The following HS3ST4 variants were observed in gnomAD, a reference collection of about 807,000 sequenced individuals.
HS3ST4 encodes the protein heparan sulfate-glucosamine 3-sulfotransferase 4, also known as heparan sulfate glucosamine 3-O-sulfotransferase 4.
HS3ST4 carries 17 observed loss-of-function variants against 29.2 expected under a neutral mutation model. The observed-to-expected ratio is 0.58, with a 90% CI of 0.40 to 0.87. HS3ST4 has a LOEUF of 0.87. HS3ST4 is among the 40% of genes least tolerant of loss of function. The pLI, the probability that HS3ST4 is intolerant of heterozygous loss-of-function variation, is 0.00. For missense variants in HS3ST4, 627 were observed against 634.5 expected (o/e 0.99, Z 0.13); for synonymous variants, 314 against 285.7 (o/e 1.10, Z -1.00).
intron 1 of HS3ST4, among the ~76,000 whole-genome samples, chr16:26,107,739 T>C (rs1899076079): frequency 6.6e-6 from 1 of 152,208 alleles, no homozygotes; most frequent in Non-Finnish European, 1.5e-5. Context: ...TCCTTATGGC[T>C]GAGTAGTATT....
At chr16:25,719,549 G>T (rs1225881560) in intron 1 of HS3ST4, among the ~76,000 whole-genome samples, 2 of 152,198 alleles carry the variant, frequency 1.3e-5, no homozygotes, top group African/African-American at 4.8e-5. Context: ...GGTATAGGAA[G>T]GGAAAGCTGT....
At chr16:25,953,179 C>T (rs1447551676) in intron 1 of HS3ST4, among the ~76,000 whole-genome samples, 1 of 152,158 alleles carries the variant, frequency 6.6e-6, no homozygotes, top group Non-Finnish European at 1.5e-5. Context: ...GTAAGTTATG[C>T]TTAGCTTGTG....
intron 1 of HS3ST4, among the ~76,000 whole-genome samples, chr16:26,007,501 A>G (rs4412975): frequency 0.069 from 10,538 of 152,198 alleles, 457 homozygotes; most frequent in Non-Finnish European, 0.098. Context: ...ATTTCAGGGA[A>G]GTTAGGGGAT....
intron 1 of HS3ST4, among the ~76,000 whole-genome samples, chr16:25,755,389 A>C (rs995432189): frequency 6.6e-6 from 1 of 152,194 alleles, no homozygotes; most frequent in South Asian, 2.1e-4. Context: ...GAGAAGGAGT[A>C]TTTCCAGATA....
At chr16:25,798,335 A>C (rs1966900967) in intron 1 of HS3ST4, among the ~76,000 whole-genome samples, 1 of 152,186 alleles carries the variant, frequency 6.6e-6, no homozygotes. Flanking sequence ...CAACCACAAA[A>C]GTTCATTTCT....
At chr16:25,789,293 CCTCTT>C (rs988251923) in intron 1 of HS3ST4, among the ~76,000 whole-genome samples, 6 of 151,836 alleles carry the variant, frequency 4.0e-5, no homozygotes, top group Non-Finnish European at 8.8e-5. Context: ...TCCTCCATCT[CCTCTT>C]CTTTCTTTCT....
chr16:25,838,924 A>G (rs1967387602), intron 1 of HS3ST4, among the ~76,000 whole-genome samples: 1 of 152,182 alleles, frequency 6.6e-6, no homozygotes, highest in African/African-American at 2.4e-5. Flanking sequence ...ACTGTTCTAC[A>G]TAAATAAAAT....
At position 25,828,288 on chromosome 16, in the gene HS3ST4, CTT is replaced by C. The variant is rs1567249447; in HGVS notation, c.734+135139_734+135140del. 9.9e-4 allele frequency among the ~76,000 whole-genome samples: 88 copies of C among 88,480 alleles called. No homozygotes were observed. The Middle Eastern group carries it at 0.016, about 16-fold the overall frequency. The allele number at this position is 88,480 out of a possible 152,430, so 58.0% of individuals were successfully genotyped here. A position where few individuals can be genotyped will look rare whatever the true frequency, so the allele number is the denominator to read the frequency against. On this transcript the variant is annotated intron_variant, in intron 1 of 1. Transcript: ENST00000331351. Reference sequence around the variant, plus strand: ...TCTTTCTTTCTTTCTTTCTTTCTTTCTTTCTTTCTTTCCCTCTCTCTCTCTCT... The same window carrying C: ...TCTTTCTTTCTTTCTTTCTTTCTTTCTCTTTCTTTCCCTCTCTCTCTCTCT...
At chr16:25,870,465 T>C (rs557160294) in intron 1 of HS3ST4, among the ~76,000 whole-genome samples, 1 of 152,004 alleles carries the variant, frequency 6.6e-6, no homozygotes, top group Non-Finnish European at 1.5e-5. Context: ...AGGGAGTGAA[T>C]CAAATAGTTG....
At chr16:25,991,894 G>A (rs1403822652) in intron 1 of HS3ST4, among the ~76,000 whole-genome samples, 1 of 151,400 alleles carries the variant, frequency 6.6e-6, no homozygotes, top group Non-Finnish European at 1.5e-5. Context: ...GGTGGTGGGT[G>A]CCTGTAGTCC....
At chr16:25,965,607 G>T (rs539617915) in intron 1 of HS3ST4, among the ~76,000 whole-genome samples, 1 of 152,078 alleles carries the variant, frequency 6.6e-6, no homozygotes, top group Non-Finnish European at 1.5e-5. Flanking sequence ...ACTGTCTTCT[G>T]CAAAACTCGA....
chr16:25,918,564 TCTGAAG>T (rs1178991664), intron 1 of HS3ST4, among the ~76,000 whole-genome samples: 1 of 152,172 alleles, frequency 6.6e-6, no homozygotes, highest in Non-Finnish European at 1.5e-5. Context: ...TGGACTGAAA[TCTGAAG>T]GATGAGCAGG....
intron 1 of HS3ST4, among the ~76,000 whole-genome samples, chr16:26,123,259 A>C (rs1231582487): frequency 6.6e-6 from 1 of 152,210 alleles, no homozygotes; most frequent in Non-Finnish European, 1.5e-5. Context: ...GACAGAGGAC[A>C]AAACTGAGGA....
chr16:25,990,430 A>G (rs796746657), intron 1 of HS3ST4, among the ~76,000 whole-genome samples: 24 of 152,354 alleles, frequency 1.6e-4, no homozygotes, highest in African/African-American at 5.3e-4. Context: ...AGTGTTGTCA[A>G]TGTTTTGGAT....
intron 1 of HS3ST4, among the ~76,000 whole-genome samples, chr16:26,088,256 C>T (rs1898813429): frequency 6.6e-6 from 1 of 152,216 alleles, no homozygotes; most frequent in Admixed American, 6.5e-5. Context: ...TCAACTTAAA[C>T]TGTTCTTTGT....
Position 25,739,371 on chromosome 16 carries a change from A to G in HS3ST4, c.734+46220A>G, listed in dbSNP as rs2141596922. Among the ~76,000 whole-genome samples, 3 of 152,160 alleles carry G rather than the reference A, an allele frequency of 2.0e-5. 1 individual carries two copies. In the South Asian group the frequency reaches 6.2e-4, roughly 32 times the overall value. ...AACACACAAACAAAAGCAAACAAAT[A>G]AACGAACAAAAAAAACTTGCTGAGT... On this transcript the variant is annotated intron_variant, in intron 1 of 1. Coordinates refer to ENST00000331351, the MANE Select transcript of HS3ST4 (RefSeq NM_006040.3).
chr16:25,760,486 T>G (rs1966782682), intron 1 of HS3ST4, among the ~76,000 whole-genome samples: 1 of 151,366 alleles, frequency 6.6e-6, no homozygotes. Context: ...TGGAGCAATC[T>G]GGGCTCACTG....
intron 1 of HS3ST4, among the ~76,000 whole-genome samples, chr16:25,822,369 C>T (rs981532973): frequency 1.3e-5 from 2 of 152,124 alleles, no homozygotes; most frequent in Admixed American, 1.3e-4. Flanking sequence ...TCCTCCAAAA[C>T]GCCTCACCTC....
chr16:26,003,952 C>T (rs963205152), intron 1 of HS3ST4, among the ~76,000 whole-genome samples: 9 of 152,146 alleles, frequency 5.9e-5, no homozygotes, highest in Non-Finnish European at 1.3e-4. Flanking sequence ...ATTTTGGTGT[C>T]CATCACTGTG....
Sources: gnomAD v4.1 joint callset for allele counts (sites outside exome capture counted in the v4.1 genomes callset) on GRCh38, gnomAD v4.1.1 for gene constraint, MANE v1.5 for transcripts, NCBI Gene and HGNC (gene_info 2026-07-23, HGNC 2026-07-21) for gene names.